The following DPF3 variants were observed in gnomAD, a reference collection of about 807,000 sequenced individuals.
DPF3 encodes the protein double PHD fingers 3.
A neutral mutation model predicts 56.8 loss-of-function variants in DPF3; 18 were observed. The ratio of observed to expected loss-of-function variants is 0.32; its 90% CI spans 0.22 to 0.47. The LOEUF (loss-of-function observed/expected upper bound fraction) is 0.47, where lower values mean the gene tolerates loss of function less well. Among genes scored for constraint, DPF3 ranks in the 20% least tolerant of loss-of-function variants. The probability of loss-of-function intolerance (pLI) is 1.00; values close to 1 mark genes in which losing one functional copy is unlikely to be tolerated. For missense variants in DPF3, 403 were observed against 488.8 expected, an observed-to-expected ratio of 0.82 and a Z score of 1.65; for synonymous variants, 188 against 180.2, an observed-to-expected ratio of 1.04 and a Z score of -0.35.
In DPF3 at chr14:72,811,464, C is replaced by A. The variant is rs192096733; in HGVS notation, c.33-39571G>T. Among the ~76,000 whole-genome samples, 60 of 152,266 alleles carry A rather than the reference C, an allele frequency of 3.9e-4. 1 individual carries two copies. The South Asian group carries it at 4.8e-3, about 12-fold the overall frequency. On this transcript the variant is annotated intron_variant, in intron 1 of 10. Coordinates refer to ENST00000556509, the MANE Select transcript of DPF3 (RefSeq NM_001280542.3). ...CCTCACAGCCCTCAGAAGGAACCAA[C>A]CTTGCCAACACCTTGATCTTGGACT...
intron 1 of DPF3, among the ~76,000 whole-genome samples, chr14:72,823,572 G>A (rs779383613): frequency 4.6e-5 from 7 of 152,148 alleles, no homozygotes; most frequent in Admixed American, 6.5e-5. Flanking sequence ...GCATTGCGTG[G>A]CGAGGAGTCA....
intron 2 of DPF3, among the ~76,000 whole-genome samples, chr14:72,762,813 T>G (rs1454772124): frequency 6.6e-6 from 1 of 151,912 alleles, no homozygotes; most frequent in Non-Finnish European, 1.5e-5. Context: ...TTTTCTTTAT[T>G]TACTATTCAG....
intron 1 of DPF3, among the ~76,000 whole-genome samples, chr14:72,820,254 A>G (rs1271964215): frequency 6.6e-6 from 1 of 152,230 alleles, no homozygotes; most frequent in Non-Finnish European, 1.5e-5. Flanking sequence ...AATATACAAA[A>G]TGTCATGCAA....
In DPF3 at chr14:72,611,146, A is replaced by G. The variant is rs929328; in HGVS notation, c.*8151T>C. ...CACAGAGAAGCTATAGCTCTGAGCC[A>G]ACATCCACACATGGACAGATACACA... is the stretch of plus-strand genomic sequence containing the variant. On this transcript the variant is annotated 3_prime_UTR_variant, in exon 11 of 11. Coordinates refer to ENST00000556509, the MANE Select transcript of DPF3 (RefSeq NM_001280542.3). Among the ~76,000 whole-genome samples the G allele has an allele frequency of 0.66, 100,971 of 151,982 alleles. 35,096 individuals carry two copies. Among genetic ancestry groups the G allele is most frequent in the East Asian group, 0.88 (4,528 of 5,148 alleles).
chr14:72,651,305 G>C (rs890647123), intron 8 of DPF3, among the ~76,000 whole-genome samples: 4 of 152,216 alleles, frequency 2.6e-5, no homozygotes, highest in African/African-American at 9.6e-5. Flanking sequence ...CTCAGCCAGC[G>C]ACTGACCCCT....
intron 2 of DPF3, among the ~76,000 whole-genome samples, chr14:72,763,149 G>A (rs1189406710): frequency 6.6e-6 from 1 of 151,990 alleles, no homozygotes; most frequent in Non-Finnish European, 1.5e-5. Context: ...TGGGTTGCAA[G>A]ACTCAATACT....
chr14:72,790,369 G>A (rs1892378813), intron 1 of DPF3, among the ~76,000 whole-genome samples: 1 of 152,186 alleles, frequency 6.6e-6, no homozygotes, highest in Non-Finnish European at 1.5e-5. Context: ...CTGGTCCCTA[G>A]CATATAGTAG....
intron 1 of DPF3, among the ~76,000 whole-genome samples, chr14:72,821,192 G>A (rs1883523934): frequency 6.6e-6 from 1 of 151,918 alleles, no homozygotes; most frequent in Non-Finnish European, 1.5e-5. Flanking sequence ...GGGAGGCTGA[G>A]GTGGGAGGCA....
At chr14:72,887,332 T>C (rs1211941011) in intron 1 of DPF3, among the ~76,000 whole-genome samples, 1 of 152,110 alleles carries the variant, frequency 6.6e-6, no homozygotes, top group Non-Finnish European at 1.5e-5. Context: ...GGGATGCTAG[T>C]GAGAAGAAAA....
intron 8 of DPF3, among the ~76,000 whole-genome samples, chr14:72,639,309 G>A (rs1277797162): frequency 6.6e-6 from 1 of 152,214 alleles, no homozygotes; most frequent in East Asian, 1.9e-4. Flanking sequence ...GAGGAGCTCA[G>A]TTTGGTAGGT....
At chr14:72,812,980 C>A (rs1459661642) in intron 1 of DPF3, among the ~76,000 whole-genome samples, 1 of 152,156 alleles carries the variant, frequency 6.6e-6, no homozygotes, top group Non-Finnish European at 1.5e-5. Flanking sequence ...AGGGTCCCCT[C>A]TGGTTTCCCA....
chr14:72,755,448 C>T (rs1307147886), intron 2 of DPF3, among the ~76,000 whole-genome samples: 1 of 152,180 alleles, frequency 6.6e-6, no homozygotes, highest in Non-Finnish European at 1.5e-5. Context: ...TGGAGACACT[C>T]TGCAGTGCAA....
intron 7 of DPF3, among the ~76,000 whole-genome samples, chr14:72,678,176 G>A (rs1886998229): frequency 6.6e-6 from 1 of 152,124 alleles, no homozygotes; most frequent in African/African-American, 2.4e-5. Context: ...TCGAAGGCAG[G>A]TTTCACCCCC....
At chr14:72,691,635 G>A (rs759547677) in intron 7 of DPF3, among the ~76,000 whole-genome samples, 1 of 152,048 alleles carries the variant, frequency 6.6e-6, no homozygotes, top group Non-Finnish European at 1.5e-5. Flanking sequence ...GCTGAGGCAG[G>A]AGAATCGCTT....
intron 3 of DPF3, among the ~76,000 whole-genome samples, chr14:72,745,404 A>G (rs1293059625): frequency 1.3e-5 from 2 of 151,800 alleles, no homozygotes; most frequent in African/African-American, 4.8e-5. Context: ...ACTAGTCCTC[A>G]TCAATGGATC....
intron 8 of DPF3, among the ~76,000 whole-genome samples, chr14:72,644,421 C>G (rs1885652831): frequency 6.6e-6 from 1 of 152,170 alleles, no homozygotes; most frequent in South Asian, 2.1e-4. Flanking sequence ...CCAACAAATT[C>G]CTGAATGAGA....
In DPF3 at chr14:72,739,008, G is replaced by A. The variant is rs143547231; in HGVS notation, c.302-7074C>T. Among the ~76,000 whole-genome samples the A allele has an allele frequency of 5.9e-5, 9 of 152,248 alleles. No individual in the cohort carries two copies. The East Asian group carries it at 1.7e-3, about 29-fold the overall frequency. ...ATAATCCCAATATTTTGGGAGGCGAGGTGGGTGGATAACTTGAGGTCAGGA... is the reference window on the plus strand; with the variant it reads ...ATAATCCCAATATTTTGGGAGGCGAAGTGGGTGGATAACTTGAGGTCAGGA... On this transcript the variant is annotated intron_variant, in intron 3 of 10. Transcript: ENST00000556509.
rs764426480 is a variant in DPF3, at chr14:72,753,315, G to A, written c.250C>T (p.Arg84Ter). 5 of 1,613,456 alleles carry A rather than the reference G, an allele frequency of 3.1e-6. No homozygotes were observed. Among genetic ancestry groups the A allele is most frequent in the African/African-American group, 2.7e-5 (2 of 74,914 alleles). ...YPARCWRKKRRLHPPEDPKLR... is the reference protein window; with the variant it reads ...YPARCWRKKR ...TTTGGATCTTCAGGTGGGTGCAATC[G>A]TCTCTTCTTGCGCCAGCAGCGGGCA... Residue 84 changes from arginine (R) to a stop codon, truncating the protein, a stop_gained, in exon 3 of 11, where the codon CGA becomes TGA. Transcript: ENST00000556509. LOFTEE classifies it high-confidence loss of function.
intron 1 of DPF3, among the ~76,000 whole-genome samples, chr14:72,878,830 G>A (rs1336366245): frequency 6.6e-6 from 1 of 152,226 alleles, no homozygotes; most frequent in Non-Finnish European, 1.5e-5. Context: ...GCTGCCACAT[G>A]TCATAAATGC....
Sources: gnomAD v4.1 joint callset for allele counts (sites outside exome capture counted in the v4.1 genomes callset) on GRCh38, gnomAD v4.1.1 for gene constraint, MANE v1.5 for transcripts, NCBI Gene and HGNC (gene_info 2026-07-23, HGNC 2026-07-21) for gene names.